PLCG2: variants seen among roughly 807,000 people sequenced by gnomAD.
PLCG2 encodes the protein phospholipase C gamma 2, also known as 1-phosphatidylinositol 4,5-bisphosphate phosphodiesterase gamma-2.
In PLCG2, 69 loss-of-function variants were observed where a neutral mutation model predicts 175.6. That is an observed-to-expected ratio of 0.39 (90% CI 0.32 to 0.48). The LOEUF (loss-of-function observed/expected upper bound fraction) is 0.48. Among genes scored for constraint, PLCG2 ranks in the 20% least tolerant of loss-of-function variants. The pLI, the probability that PLCG2 is intolerant of heterozygous loss-of-function variation, is 0.91. For missense variants in PLCG2, 1,798 were observed against 1,650.9 expected (o/e 1.09, Z -1.54); for synonymous variants, 827 against 624.0 (o/e 1.33, Z -4.85).
Position 81,910,725 on chromosome 16 carries a change from G to A in PLCG2, c.1934+5G>A, listed in dbSNP as rs1909585047. ...CAACCCCCACGAGTCCAAGCCGTAC[G>A]TGTCTGAGGGTGGAGCAGGAGGCAG... is the stretch of plus-strand genomic sequence containing the variant. On this transcript the variant is annotated splice_donor_5th_base_variant and intron_variant, in intron 18 of 32. Transcript: ENST00000564138. The A allele has an allele frequency of 2.5e-6, 4 of 1,605,520 alleles. No individual in the cohort carries two copies. Among genetic ancestry groups the A allele is most frequent in the East Asian group, 2.2e-5 (1 of 44,862 alleles).
chr16:81,804,148 C>T (rs1911886394), intron 2 of PLCG2, among the ~76,000 whole-genome samples: 1 of 152,192 alleles, frequency 6.6e-6, no homozygotes, highest in Non-Finnish European at 1.5e-5. Flanking sequence ...AAAGCAGTTG[C>T]ACCATTTACT....
At position 81,893,778 on chromosome 16, in the gene PLCG2, C is replaced by T. The variant is rs1015042274; in HGVS notation, c.1056C>T (p.Gly352=). The change falls in exon 12 of 33, where the codon GGC becomes GGT. Residue 352 remains glycine (G), a synonymous_variant. Transcript: ENST00000564138. ...CTTACATCCGCTGCCTGCGCATGGG[C>T]TGTCGCTGCATTGAACGTGAGTAGC... ...PEAYIRCLRM[G]CRCIELDCWD... is the part of the protein sequence containing the mutation. The T allele has an allele frequency of 2.5e-6, 4 of 1,609,808 alleles. No individual in the cohort carries two copies.
At chr16:81,813,708 C>T (rs1486324784) in intron 2 of PLCG2, among the ~76,000 whole-genome samples, 1 of 152,158 alleles carries the variant, frequency 6.6e-6, no homozygotes, top group African/African-American at 2.4e-5. Flanking sequence ...CATTGGATGG[C>T]CAGGCTGGAA....
At chr16:81,905,568 G>A (rs1909333582) in intron 15 of PLCG2, 61 bp downstream of exon 15, 4 of 1,072,490 alleles carry the variant, frequency 3.7e-6, no homozygotes, top group African/African-American at 3.1e-5. Context: ...GCTTCTTGGA[G>A]CCCTGCTGGG....
chr16:81,900,143 G>T (rs73596854), intron 13 of PLCG2, among the ~76,000 whole-genome samples: 60 of 152,316 alleles, frequency 3.9e-4, no homozygotes, highest in African/African-American at 1.4e-3. Flanking sequence ...ATATGAATGA[G>T]AATATATAAA....
intron 2 of PLCG2, among the ~76,000 whole-genome samples, chr16:81,791,938 G>A (rs1216169233): frequency 6.6e-6 from 1 of 152,152 alleles, no homozygotes; most frequent in Admixed American, 6.5e-5. Context: ...GAAGCTACAG[G>A]CTTCTTACGA....
chr16:81,933,576 G>GTT (rs575035323), intron 25 of PLCG2, among the ~76,000 whole-genome samples: 22 of 143,914 alleles, frequency 1.5e-4, no homozygotes, highest in Non-Finnish European at 2.3e-4. Context: ...GCTGTTTTTT[G>GTT]TTTTTTTTTT....
intron 2 of PLCG2, among the ~76,000 whole-genome samples, chr16:81,805,500 GAAA>G (rs1316978784): frequency 0.03 from 1,634 of 54,170 alleles, 27 homozygotes; most frequent in African/African-American, 0.092. Context: ...CTCCATCTCA[GAAA>G]AAAAAAAAAA....
chr16:81,797,304 T>A (rs1262698650), intron 2 of PLCG2, among the ~76,000 whole-genome samples: 1 of 152,172 alleles, frequency 6.6e-6, no homozygotes, highest in Non-Finnish European at 1.5e-5. Context: ...TTATCTCCAC[T>A]ACCTGTCCCC....
intron 2 of PLCG2, among the ~76,000 whole-genome samples, chr16:81,829,870 G>A (rs1356760725): frequency 6.6e-6 from 1 of 151,862 alleles, no homozygotes; most frequent in African/African-American, 2.4e-5. Context: ...GAGTGGGGGG[G>A]CGTGTGTATT....
intron 1 of PLCG2, among the ~76,000 whole-genome samples, chr16:81,750,667 T>G (rs1427539582): frequency 1.3e-5 from 1 of 77,320 alleles, no homozygotes; most frequent in African/African-American, 7.3e-5. Context: ...CTGGAGATTT[T>G]TTTTTTTTTT....
chr16:81,781,082 C>G (rs1057393687), intron 1 of PLCG2, among the ~76,000 whole-genome samples: 3 of 148,374 alleles, frequency 2.0e-5, no homozygotes, highest in African/African-American at 4.9e-5. Context: ...TAGAAAACAG[C>G]AAGAACACAA....
chr16:81,847,555 A>C (rs1489220768), intron 2 of PLCG2, among the ~76,000 whole-genome samples: 1 of 152,078 alleles, frequency 6.6e-6, no homozygotes, highest in Non-Finnish European at 1.5e-5. Flanking sequence ...TGCAGATTCC[A>C]AGGGTGTTAG....
At chr16:81,898,841 C>T (rs543944311) in intron 13 of PLCG2, among the ~76,000 whole-genome samples, 3 of 152,030 alleles carry the variant, frequency 2.0e-5, no homozygotes, top group South Asian at 4.2e-4. Context: ...GGGATGTCTG[C>T]GCCTTATTTC....
At chr16:81,825,370 C>G (rs1376360397) in intron 2 of PLCG2, among the ~76,000 whole-genome samples, 1 of 147,564 alleles carries the variant, frequency 6.8e-6, no homozygotes, top group Non-Finnish European at 1.5e-5. Flanking sequence ...CTCACTGCAA[C>G]CTCTGTCTCC....
chr16:81,951,447 A>G (rs1472485007), intron 31 of PLCG2, among the ~76,000 whole-genome samples: 1 of 152,220 alleles, frequency 6.6e-6, no homozygotes, highest in Non-Finnish European at 1.5e-5. Context: ...TAAAACACCT[A>G]TTAGATAAAA....
At position 81,854,504 on chromosome 16, in the gene PLCG2, C is replaced by G. The variant is rs1906583196; in HGVS notation, c.254C>G (p.Ala85Gly). Residue 85 changes from alanine (A) to glycine (G), a missense_variant, in exon 3 of 33, where the codon GCA (alanine) becomes GGA (glycine). Ala to Gly is a moderately conservative substitution (Grantham distance 60). Coordinates refer to ENST00000564138, the MANE Select transcript of PLCG2 (RefSeq NM_002661.5). ...AAGAACTCCAAAGATTTCGAGCGAG[C>G]AAAAGCAGTTCGCCAGAAAGAAGAC... ...PGKNSKDFER[A>G]KAVRQKEDCC... 6.2e-7 allele frequency: 1 copy of G among 1,613,820 alleles called. No individual in the cohort carries two copies. Among genetic ancestry groups the G allele is most frequent in the Non-Finnish European group, 8.5e-7 (1 of 1,179,684 alleles).
At chr16:81,946,991 A>G (rs1911178307) in intron 31 of PLCG2, among the ~76,000 whole-genome samples, 1 of 152,168 alleles carries the variant, frequency 6.6e-6, no homozygotes, top group Admixed American at 6.5e-5. Flanking sequence ...AAAGGGAACC[A>G]GTGCTGCTTC....
intron 31 of PLCG2, among the ~76,000 whole-genome samples, chr16:81,951,642 C>T (rs555898228): frequency 4.6e-5 from 7 of 152,144 alleles, no homozygotes; most frequent in East Asian, 1.9e-4. Context: ...CTCATTCAGC[C>T]GTAGACCAAT....
Sources: allele counts gnomAD v4.1 joint callset (sites outside exome capture counted in the v4.1 genomes callset), GRCh38; gene constraint gnomAD v4.1.1; transcripts MANE v1.5; gene names NCBI Gene and HGNC (gene_info 2026-07-23, HGNC 2026-07-21).